The following FRMD4A variants were observed in gnomAD, a reference collection of about 807,000 sequenced individuals.
FRMD4A encodes FERM domain-containing protein 4A.
FRMD4A carries 29 observed loss-of-function variants against 129.1 expected under a neutral mutation model. The ratio of observed to expected loss-of-function variants is 0.22; its 90% CI spans 0.17 to 0.31. The LOEUF is 0.31. FRMD4A is among the 10% of genes least tolerant of loss of function. The probability of loss-of-function intolerance (pLI) is 1.00; values close to 1 mark genes in which losing one functional copy is unlikely to be tolerated. For synonymous variants in FRMD4A, 634 were observed against 571.6 expected (o/e 1.11, Z -1.56); for missense variants, 1,272 against 1,375.8 (o/e 0.92, Z 1.19).
intron 2 of FRMD4A, among the ~76,000 whole-genome samples, chr10:14,029,824 A>C (rs1178386731): frequency 3.3e-5 from 5 of 151,800 alleles, no homozygotes; most frequent in Admixed American, 2.6e-4. Flanking sequence ...AAAAAAAAAA[A>C]AACTACATGT....
At chr10:13,709,202 G>A (rs953731421) in intron 12 of FRMD4A, among the ~76,000 whole-genome samples, 1 of 152,300 alleles carries the variant, frequency 6.6e-6, no homozygotes, top group East Asian at 1.9e-4. Flanking sequence ...GGGCTCAAGT[G>A]ATCTGCCCGC....
chr10:13,996,830 C>T (rs1038863207), intron 2 of FRMD4A, among the ~76,000 whole-genome samples: 3 of 152,280 alleles, frequency 2.0e-5, no homozygotes, highest in East Asian at 1.9e-4. Context: ...GAATAGATGT[C>T]GATCCCCAAA....
intron 2 of FRMD4A, among the ~76,000 whole-genome samples, chr10:14,039,944 AGTAT>A (rs1480069211): frequency 6.6e-6 from 1 of 152,166 alleles, no homozygotes; most frequent in African/African-American, 2.4e-5. Flanking sequence ...TATGTATGTG[AGTAT>A]GTATGTATGT....
At position 13,651,922 on chromosome 10, in the gene FRMD4A, G is replaced by C. The variant is rs2081637784; in HGVS notation, c.3103C>G (p.Gln1035Glu). ...CGGTACCTCTATTCATCAGTACTTT[G>C]GTGAGGTGGAGACTCAGACCCATCC... ...ILDGSESPPH[Q>E]STDE The change falls in exon 24 of 25, where the codon CAA (glutamine) becomes GAA (glutamate). Residue 1035 changes from glutamine (Q) to glutamate (E), a missense_variant. By Grantham distance (29) the Gln-to-Glu change is conservative (BLOSUM62 2). Coordinates refer to ENST00000357447, the MANE Select transcript of FRMD4A (RefSeq NM_018027.5). 4 of 1,581,442 alleles carry C rather than the reference G, an allele frequency of 2.5e-6. No individual in the cohort carries two copies. The highest frequency in any genetic ancestry group is 3.5e-6 in the Non-Finnish European group (4 of 1,150,272).
chr10:13,752,817 T>C (rs566731514), intron 8 of FRMD4A, among the ~76,000 whole-genome samples: 72 of 152,326 alleles, frequency 4.7e-4, no homozygotes, highest in African/African-American at 1.4e-3. Context: ...CTAAGAAACA[T>C]TTCTTAACCC....
At chr10:14,060,874 A>G (rs1332826108) in intron 2 of FRMD4A, among the ~76,000 whole-genome samples, 1 of 152,242 alleles carries the variant, frequency 6.6e-6, no homozygotes, top group Non-Finnish European at 1.5e-5. Context: ...CAAAAATAAT[A>G]TAAAAAAATT....
At chr10:13,831,282 G>A (rs1312142347) in intron 3 of FRMD4A, among the ~76,000 whole-genome samples, 2 of 152,126 alleles carry the variant, frequency 1.3e-5, no homozygotes, top group Non-Finnish European at 2.9e-5. Context: ...TCAAATCCCA[G>A]CCTGAAGATC....
intron 2 of FRMD4A, among the ~76,000 whole-genome samples, chr10:13,963,269 CT>C (rs142764391): frequency 0.17 from 20,144 of 116,348 alleles, 1,375 homozygotes; most frequent in Middle Eastern, 0.21. Context: ...GTGCAAGCCT[CT>C]TTTTTTTTTT....
chr10:14,128,002 T>TC lies in FRMD4A; in HGVS notation c.45+202055_45+202056insG, dbSNP rs1564319627. Among the ~76,000 whole-genome samples the TC allele has an allele frequency of 3.4e-3, 237 of 69,452 alleles. 9 individuals are homozygous for TC. Among genetic ancestry groups the TC allele is most frequent in the Middle Eastern group, 6.2e-3 (1 of 162 alleles). The allele number at this position is 69,452 out of a possible 152,430, so 45.6% of individuals were successfully genotyped here. Reference sequence around the variant, plus strand: ...TCCTTCTCTCTCTCTCTCTCTCTCTTTCTTTCTTTCTTCCTTCCTTCCTTC... The same window carrying TC: ...TCCTTCTCTCTCTCTCTCTCTCTCTTCTCTTTCTTTCTTCCTTCCTTCCTTC... On this transcript the variant is annotated intron_variant, in intron 2 of 24. Transcript: ENST00000357447.
chr10:13,684,306 G>A (rs922751620), intron 15 of FRMD4A: 7 of 984,368 alleles, frequency 7.1e-6, no homozygotes, highest in Non-Finnish European at 8.4e-6. Context: ...CAGAGAGAGA[G>A]ATGGAGTTAC....
chr10:13,935,469 A>G (rs2095241111), intron 2 of FRMD4A, among the ~76,000 whole-genome samples: 1 of 151,240 alleles, frequency 6.6e-6, no homozygotes, highest in Non-Finnish European at 1.5e-5. Flanking sequence ...AAAAAAAAAA[A>G]AAAAAAGTTG....
intron 2 of FRMD4A, among the ~76,000 whole-genome samples, chr10:14,250,096 G>A (rs1381948623): frequency 2.0e-5 from 3 of 152,088 alleles, no homozygotes; most frequent in East Asian, 1.9e-4. Context: ...AAGTAGCTGC[G>A]ATTACAGGTG....
At chr10:13,836,217 T>C (rs556662685) in intron 3 of FRMD4A, among the ~76,000 whole-genome samples, 1 of 152,292 alleles carries the variant, frequency 6.6e-6, no homozygotes, top group African/African-American at 2.4e-5. Flanking sequence ...AGGCTGGTCT[T>C]GAACTCCTGA....
intron 2 of FRMD4A, among the ~76,000 whole-genome samples, chr10:13,972,703 G>T (rs546908374): frequency 6.6e-6 from 1 of 152,270 alleles, no homozygotes; most frequent in East Asian, 1.9e-4. Flanking sequence ...GATTATTTTA[G>T]AATGGCATCT....
At chr10:14,129,288 A>T (rs1259864607) in intron 2 of FRMD4A, among the ~76,000 whole-genome samples, 2 of 149,190 alleles carry the variant, frequency 1.3e-5, no homozygotes, top group Non-Finnish European at 2.9e-5. Flanking sequence ...TTTATTCATT[A>T]GAAAAACAAT....
chr10:13,953,955 T>C (rs2095391581), intron 2 of FRMD4A, among the ~76,000 whole-genome samples: 1 of 152,180 alleles, frequency 6.6e-6, no homozygotes, highest in African/African-American at 2.4e-5. Context: ...ATCATCATCA[T>C]CATACTGGAA....
chr10:14,009,657 G>A (rs2095674240), intron 2 of FRMD4A, among the ~76,000 whole-genome samples: 1 of 152,352 alleles, frequency 6.6e-6, no homozygotes, highest in African/African-American at 2.4e-5. Context: ...GCACGGGCTG[G>A]AAACCTGGGT....
intron 2 of FRMD4A, among the ~76,000 whole-genome samples, chr10:14,020,341 C>A (rs537662718): frequency 2.7e-4 from 41 of 152,302 alleles, no homozygotes; most frequent in Non-Finnish European, 4.0e-4. Context: ...CCAAAGCCCC[C>A]CAGTGGCCCT....
intron 2 of FRMD4A, among the ~76,000 whole-genome samples, chr10:13,884,764 A>C (rs951304994): frequency 1.3e-5 from 2 of 152,230 alleles, no homozygotes; most frequent in African/African-American, 4.8e-5. Context: ...TGCCATCTTC[A>C]CAAATCTTCC....
Sources: gnomAD v4.1 joint callset for allele counts (sites outside exome capture counted in the v4.1 genomes callset) on GRCh38, gnomAD v4.1.1 for gene constraint, MANE v1.5 for transcripts, NCBI Gene and HGNC (gene_info 2026-07-23, HGNC 2026-07-21) for gene names.